DPY19L1: variants seen among roughly 807,000 people sequenced by gnomAD.
DPY19L1 encodes protein C-mannosyl-transferase DPY19L1.
Under a neutral mutation model 96.9 loss-of-function variants are expected in DPY19L1, and 35 were observed. The ratio of observed to expected loss-of-function variants is 0.36; its 90% CI spans 0.28 to 0.48. DPY19L1 has a LOEUF of 0.48. Among genes scored for constraint, DPY19L1 ranks in the 20% least tolerant of loss-of-function variants. DPY19L1 has a pLI of 0.99. For missense variants in DPY19L1, 521 were observed against 777.9 expected (o/e 0.67, Z 3.93); for synonymous variants, 205 against 252.6 (o/e 0.81, Z 1.79).
chr7:34,983,103 G>T (rs1164655449), intron 7 of DPY19L1, among the ~76,000 whole-genome samples: 2 of 152,294 alleles, frequency 1.3e-5, no homozygotes, highest in African/African-American at 2.4e-5. Flanking sequence ...GCTTGGCAGG[G>T]CTTCATGTGG....
intron 6 of DPY19L1, among the ~76,000 whole-genome samples, chr7:35,001,756 A>T (rs1785431306): frequency 1.3e-5 from 2 of 152,180 alleles, no homozygotes; most frequent in African/African-American, 4.8e-5. Flanking sequence ...TTCTAGCCTT[A>T]ATCATGACAG....
Position 34,931,173 on chromosome 7 carries a change from GGCAGAA to G in DPY19L1, c.*394_*399del, listed in dbSNP as rs1783744963. The G allele has an allele frequency of 3.9e-5, 6 of 154,010 alleles. No homozygotes were observed. The highest frequency in any genetic ancestry group is 1.4e-4 in the African/African-American group (6 of 41,612). 9.5% of individuals were successfully genotyped at this position (154,010 alleles called of 1,614,324 possible). ...AAATGTCCAAAAGACAAGAGCAAGA[GGCAGAA>G]AAAAGAAGCAAGGGGCATTAATAGT... On this transcript the variant is annotated 3_prime_UTR_variant, in exon 22 of 22. Coordinates refer to ENST00000638088, the MANE Select transcript of DPY19L1 (RefSeq NM_001366673.1).
chr7:34,995,365 T>C (rs1211961686), intron 6 of DPY19L1, among the ~76,000 whole-genome samples: 1 of 152,130 alleles, frequency 6.6e-6, no homozygotes, highest in Non-Finnish European at 1.5e-5. Context: ...TCAGAAAATA[T>C]GAAACCTCCT....
chr7:35,016,124 A>G (rs1055241086), intron 3 of DPY19L1, among the ~76,000 whole-genome samples: 2 of 152,200 alleles, frequency 1.3e-5, no homozygotes, highest in African/African-American at 4.8e-5. Context: ...ACAATGGCCA[A>G]TCTAGTAGCA....
chr7:35,013,797 AATT>A, intron 3 of DPY19L1, 92 bp from the exon 4 acceptor site: 1 of 936,016 alleles, frequency 1.1e-6, no homozygotes, highest in Non-Finnish European at 1.6e-6. Context: ...AAAACAAAGC[AATT>A]AAGTAATAGC....
intron 4 of DPY19L1, among the ~76,000 whole-genome samples, chr7:35,012,563 C>T (rs1453530806): frequency 6.6e-6 from 1 of 152,064 alleles, no homozygotes; most frequent in Non-Finnish European, 1.5e-5. Context: ...ACACACAATA[C>T]ATTTTCAAAA....
At chr7:34,934,638 C>T (rs1166570612) in intron 21 of DPY19L1, among the ~76,000 whole-genome samples, 6 of 152,046 alleles carry the variant, frequency 3.9e-5, no homozygotes, top group Non-Finnish European at 5.9e-5. Flanking sequence ...AGGGTGGGGG[C>T]GATGGTTTTG....
intron 6 of DPY19L1, among the ~76,000 whole-genome samples, chr7:34,993,165 G>T (rs1202451443): frequency 2.0e-5 from 3 of 152,122 alleles, no homozygotes; most frequent in Non-Finnish European, 4.4e-5. Flanking sequence ...TAAATATGTT[G>T]ATATTTTCCT....
chr7:35,019,522 G>A (rs968931023), intron 1 of DPY19L1, among the ~76,000 whole-genome samples: 3 of 151,576 alleles, frequency 2.0e-5, no homozygotes, highest in African/African-American at 7.3e-5. Flanking sequence ...GAAGAAGAAG[G>A]AAGAAGAGAA....
intron 11 of DPY19L1, among the ~76,000 whole-genome samples, chr7:34,957,344 C>T (rs1784400856): frequency 6.6e-6 from 1 of 151,948 alleles, no homozygotes; most frequent in Non-Finnish European, 1.5e-5. Flanking sequence ...CATTGCACTC[C>T]AGCGTAGGCA....
At chr7:34,937,542 TA>T (rs1783895151) in intron 21 of DPY19L1, among the ~76,000 whole-genome samples, 1 of 152,174 alleles carries the variant, frequency 6.6e-6, no homozygotes, top group South Asian at 2.1e-4. Flanking sequence ...CTAGTGCCAA[TA>T]AAATCTCTTT....
chr7:34,947,724 G>A (rs1784181147), intron 14 of DPY19L1, 23 bp from the exon 15 acceptor site: 6 of 1,576,652 alleles, frequency 3.8e-6, no homozygotes, highest in African/African-American at 2.7e-5. Context: ...GAGATGTTTT[G>A]TTAGAAGGAA....
chr7:34,999,617 A>G (rs888211742), intron 6 of DPY19L1, among the ~76,000 whole-genome samples: 2 of 152,194 alleles, frequency 1.3e-5, no homozygotes, highest in African/African-American at 4.8e-5. Context: ...CGGGTCTAGG[A>G]TGGAACCAGA....
At chr7:34,938,827 A>C (rs1783929027) in intron 20 of DPY19L1, among the ~76,000 whole-genome samples, 1 of 152,202 alleles carries the variant, frequency 6.6e-6, no homozygotes, top group Non-Finnish European at 1.5e-5. Context: ...AACACCCAAG[A>C]TCATTCTAAC....
Position 34,929,500 on chromosome 7 carries a change from T to C in DPY19L1, c.*2073A>G, listed in dbSNP as rs112547100. ...TAGTATTTTTAATGCTTTTTTCCTA[T>C]ACAGAATTTCTACTTATTACATGTG... On this transcript the variant is annotated 3_prime_UTR_variant, in exon 22 of 22. Transcript: ENST00000638088. 1.9e-4 allele frequency: 29 copies of C among 152,362 alleles called. No individual in the cohort carries two copies. The highest frequency in any genetic ancestry group is 4.3e-4 in the African/African-American group (18 of 41,590). The allele number at this position is 152,362 out of a possible 1,614,324, so 9.4% of individuals were successfully genotyped here. A position where few individuals can be genotyped will look rare whatever the true frequency, so the allele number is the denominator to read the frequency against.
In DPY19L1 at chr7:35,010,564, T is replaced by C; in HGVS notation, c.671-3A>G. The C allele has an allele frequency of 6.3e-7, 1 of 1,592,650 alleles. No homozygotes were observed. Among genetic ancestry groups the C allele is most frequent in the Non-Finnish European group, 8.6e-7 (1 of 1,165,344 alleles). The stretch of plus-strand genomic sequence containing the variant: ...AAAGCAAGCAGGATCTCCCAATCCT[T>C]TAAAAATAAACAAAACATATGTTCT... On this transcript the variant is annotated splice_region_variant and splice_polypyrimidine_tract_variant and intron_variant, in intron 5 of 21. Transcript: ENST00000638088.
intron 6 of DPY19L1, among the ~76,000 whole-genome samples, chr7:34,999,981 A>C (rs1785383519): frequency 6.6e-6 from 1 of 152,216 alleles, no homozygotes; most frequent in Non-Finnish European, 1.5e-5. Flanking sequence ...CAGGGTGGGG[A>C]AGACAGATGG....
At chr7:35,033,351 T>G (rs114147573) in intron 1 of DPY19L1, among the ~76,000 whole-genome samples, 2,085 of 152,242 alleles carry the variant, frequency 0.014, 12 homozygotes, top group Middle Eastern at 0.02. Flanking sequence ...GCAATTATTT[T>G]CATTTATTTA....
At chr7:34,995,910 C>T (rs328922) in intron 6 of DPY19L1, among the ~76,000 whole-genome samples, 221 of 6,334 alleles carry the variant, frequency 0.035, 2 homozygotes, top group African/African-American at 0.13. Flanking sequence ...ATACTCATGG[C>T]GGCGGTGGGG....
Sources: allele counts gnomAD v4.1 joint callset (sites outside exome capture counted in the v4.1 genomes callset), GRCh38; gene constraint gnomAD v4.1.1; transcripts MANE v1.5; gene names NCBI Gene and HGNC (gene_info 2026-07-23, HGNC 2026-07-21).